Variants in DOCK10 observed in about 807,000 individuals in gnomAD.
The protein encoded by DOCK10 is dedicator of cytokinesis protein 10.
A neutral mutation model predicts 280.1 loss-of-function variants in DOCK10; 145 were observed. The observed-to-expected ratio is 0.52, with a 90% CI of 0.45 to 0.59. DOCK10 has a LOEUF of 0.59. Among genes scored for constraint, DOCK10 ranks in the 20% least tolerant of loss-of-function variants. DOCK10 has a pLI of 0.00. For synonymous variants in DOCK10, 915 were observed against 942.2 expected, an observed-to-expected ratio of 0.97 and a Z score of 0.53; for missense variants, 2,368 against 2,651.7, an observed-to-expected ratio of 0.89 and a Z score of 2.35.
Position 225,002,684 on chromosome 2 carries a change from T to C in DOCK10, c.123+39568A>G, listed in dbSNP as rs534639975. On this transcript the variant is annotated intron_variant, in intron 1 of 55. Coordinates refer to ENST00000258390, the MANE Select transcript of DOCK10 (RefSeq NM_014689.3). ...GCAGGCAGGTGTAAACATCCACATA[T>C]GCAGAAAGAAAAAAGCCAGCAGCTG... is the stretch of plus-strand genomic sequence containing the variant. Among the ~76,000 whole-genome samples the C allele has an allele frequency of 5.3e-5, 8 of 152,282 alleles. No individual in the cohort carries two copies. In the East Asian group the frequency reaches 1.2e-3, roughly 22 times the overall value.
intron 27 of DOCK10, among the ~76,000 whole-genome samples, chr2:224,825,723 G>A (rs1330127476): frequency 6.6e-6 from 1 of 152,132 alleles, no homozygotes; most frequent in East Asian, 1.9e-4. Flanking sequence ...AAATATATGA[G>A]TACTTTTAAA....
At chr2:224,982,349 A>G (rs1705794937) in intron 1 of DOCK10, 3 of 1,231,960 alleles carry the variant, frequency 2.4e-6, no homozygotes, top group Non-Finnish European at 3.0e-6. Flanking sequence ...AAGCAGAACA[A>G]TGCTGGCAGT....
At chr2:224,850,037 T>A (rs1474723213) in intron 18 of DOCK10, among the ~76,000 whole-genome samples, 1 of 152,200 alleles carries the variant, frequency 6.6e-6, no homozygotes, top group Non-Finnish European at 1.5e-5. Context: ...GTGCTGGATT[T>A]GACCTAGGTT....
At chr2:224,947,758 G>A (rs1329085051) in intron 1 of DOCK10, among the ~76,000 whole-genome samples, 7 of 152,174 alleles carry the variant, frequency 4.6e-5, no homozygotes, top group South Asian at 2.1e-4. Context: ...TCACTGACAC[G>A]TAACACAACT....
At chr2:224,882,331 G>A (rs1329407329) in intron 7 of DOCK10, among the ~76,000 whole-genome samples, 6 of 152,136 alleles carry the variant, frequency 3.9e-5, no homozygotes, top group African/African-American at 1.4e-4. Flanking sequence ...TTTCCAGATT[G>A]GGAGCATAGG....
intron 34 of DOCK10, 114 bp downstream of exon 34, chr2:224,806,012 C>A: frequency 1.6e-6 from 1 of 620,288 alleles, no homozygotes; most frequent in South Asian, 2.3e-5. Context: ...ATGTAGTATA[C>A]TTTGCCACGT....
chr2:224,894,804 C>G (rs1357227303), intron 4 of DOCK10, among the ~76,000 whole-genome samples: 2 of 152,174 alleles, frequency 1.3e-5, no homozygotes, highest in African/African-American at 4.8e-5. Context: ...ATGGCCTCCT[C>G]CTGTCTTTTT....
At chr2:224,999,549 T>A (rs1038416581) in intron 1 of DOCK10, among the ~76,000 whole-genome samples, 1 of 151,920 alleles carries the variant, frequency 6.6e-6, no homozygotes, top group Non-Finnish European at 1.5e-5. Context: ...AATGAAAATT[T>A]ACTGACTGCT....
Position 224,885,714 on chromosome 2 carries a change from G to T in DOCK10, c.704C>A (p.Pro235His). 1.2e-6 allele frequency: 2 copies of T among 1,613,460 alleles called. No homozygotes were observed. Among genetic ancestry groups the T allele is most frequent in the Non-Finnish European group, 1.7e-6 (2 of 1,179,686 alleles). Residue 235 changes from proline (P) to histidine (H), a missense_variant, in exon 7 of 56, where the codon CCC becomes CAC. This residue lies in a region of DOCK10 where 1,209 missense variants were observed against 1,250.9 expected (regional missense o/e 0.97). Transcript: ENST00000258390. ...GGAATCCAAAAAGATGCATCCTTTG[G>T]GTTCTTTGGATATTTTCTCATCTTT... is the stretch of plus-strand genomic sequence containing the variant. Reference protein sequence around the residue: ...FYKDEKISKEPKGCIFLDSCT... With the variant: ...FYKDEKISKEHKGCIFLDSCT...
intron 1 of DOCK10, among the ~76,000 whole-genome samples, chr2:224,965,658 G>A (rs949277456): frequency 1.3e-5 from 2 of 152,100 alleles, no homozygotes; most frequent in African/African-American, 4.8e-5. Flanking sequence ...CTATCGTTTA[G>A]AGAGCTTAGT....
intron 1 of DOCK10, among the ~76,000 whole-genome samples, chr2:224,938,489 C>T (rs1196044726): frequency 6.6e-6 from 1 of 152,178 alleles, no homozygotes; most frequent in African/African-American, 2.4e-5. Flanking sequence ...AAGCAAATCA[C>T]TCACAGTGAC....
At chr2:224,896,588 G>T (rs774610133) in intron 3 of DOCK10, among the ~76,000 whole-genome samples, 1 of 152,054 alleles carries the variant, frequency 6.6e-6, no homozygotes, top group Non-Finnish European at 1.5e-5. Flanking sequence ...CTGGTGGCGG[G>T]TGCCTGTAAT....
intron 1 of DOCK10, among the ~76,000 whole-genome samples, chr2:225,026,189 G>A (rs1388538451): frequency 6.6e-6 from 1 of 152,164 alleles, no homozygotes; most frequent in Non-Finnish European, 1.5e-5. Context: ...AAAGGTTGGA[G>A]GAAAGAGAAT....
At chr2:224,861,204 C>G (rs1200211216) in intron 14 of DOCK10, 1 of 152,144 alleles carries the variant, frequency 6.6e-6, no homozygotes, top group Non-Finnish European at 1.5e-5. Context: ...GCAGAATGTC[C>G]TGGCATTAGT....
At chr2:224,856,684 T>C (rs888190410) in intron 15 of DOCK10, among the ~76,000 whole-genome samples, 176 bp downstream of exon 15, 1 of 152,240 alleles carries the variant, frequency 6.6e-6, no homozygotes, top group African/African-American at 2.4e-5. Flanking sequence ...TCCTTCCATA[T>C]AATTCTAGCA....
intron 7 of DOCK10, among the ~76,000 whole-genome samples, chr2:224,881,111 T>C (rs757525032): frequency 1.7e-4 from 26 of 152,190 alleles, no homozygotes; most frequent in Non-Finnish European, 3.2e-4. Context: ...ATATGTAACA[T>C]ATATATACAC....
intron 1 of DOCK10, among the ~76,000 whole-genome samples, chr2:224,943,392 G>A (rs1174039806): frequency 6.6e-6 from 1 of 152,068 alleles, no homozygotes; most frequent in African/African-American, 2.4e-5. Flanking sequence ...GGTCAAGAGG[G>A]TATAAAATCT....
In DOCK10 at chr2:224,814,342, C is replaced by A; in HGVS notation, c.3387G>T (p.Ser1129=). The change falls in exon 31 of 56, where the codon TCG becomes TCT. Residue 1129 remains serine (S), a synonymous_variant. Transcript: ENST00000258390. ...TACCTGATGCATGTAACTCTTGAGTCGATTCTGAAGGTGTCAAAGGATCTG... is the reference window on the plus strand; with the variant it reads ...TACCTGATGCATGTAACTCTTGAGTAGATTCTGAAGGTGTCAAAGGATCTG... The part of the protein sequence containing the change: ...NIPDPLTPSE[S]TQELHASDMP... The A allele has an allele frequency of 6.5e-7, 1 of 1,531,918 alleles. No homozygotes were observed. The highest frequency in any genetic ancestry group is 1.2e-5 in the South Asian group (1 of 80,542). 94.9% of individuals were successfully genotyped at this position (1,531,918 alleles called of 1,614,324 possible). A position where few individuals can be genotyped will look rare whatever the true frequency, so the allele number is the denominator to read the frequency against.
chr2:224,995,587 A>G (rs1706249241), intron 1 of DOCK10, among the ~76,000 whole-genome samples: 1 of 152,352 alleles, frequency 6.6e-6, no homozygotes, highest in Admixed American at 6.5e-5. Flanking sequence ...AGGTGTCCAC[A>G]GGGACTTGCT....
Sources: allele counts gnomAD v4.1 joint callset (sites outside exome capture counted in the v4.1 genomes callset), GRCh38; gene constraint gnomAD v4.1.1; regional missense constraint gnomAD v4.1.1; transcripts MANE v1.5; gene names NCBI Gene and HGNC (gene_info 2026-07-23, HGNC 2026-07-21).